The following TRAK2 variants were observed in gnomAD, a reference collection of about 807,000 sequenced individuals.
TRAK2 encodes trafficking kinesin-binding protein 2.
Under a neutral mutation model 104.6 loss-of-function variants are expected in TRAK2, and 81 were observed. That is an observed-to-expected ratio of 0.77 (90% CI 0.65 to 0.93). The LOEUF (loss-of-function observed/expected upper bound fraction) is 0.93, where lower values mean the gene tolerates loss of function less well. Among genes scored for constraint, TRAK2 ranks in the 40% least tolerant of loss-of-function variants. The pLI is 0.00. For missense variants in TRAK2, 1,002 were observed against 1,089.0 expected (o/e 0.92, Z 1.12); for synonymous variants, 406 against 394.4 (o/e 1.03, Z -0.35).
At chr2:201,449,317 T>C (rs1366573760) in intron 1 of TRAK2, among the ~76,000 whole-genome samples, 3 of 152,202 alleles carry the variant, frequency 2.0e-5, no homozygotes, top group Admixed American at 6.5e-5. Context: ...GATCTGTGAC[T>C]TGGAAGCAAG....
intron 4 of TRAK2, among the ~76,000 whole-genome samples, chr2:201,400,656 C>G (rs1301953271): frequency 6.6e-6 from 1 of 152,054 alleles, no homozygotes; most frequent in Non-Finnish European, 1.5e-5. Flanking sequence ...ATGCTCCAAA[C>G]TGCAGGTATT....
At chr2:201,398,413 T>C (rs906151480) in intron 5 of TRAK2, 59 bp from the exon 6 acceptor site, 11 of 1,406,774 alleles carry the variant, frequency 7.8e-6, no homozygotes, top group Admixed American at 3.9e-5. Flanking sequence ...TATAGCAATA[T>C]AGCTTCTAAT....
chr2:201,418,537 T>C (rs1951712834), intron 2 of TRAK2, among the ~76,000 whole-genome samples: 1 of 152,182 alleles, frequency 6.6e-6, no homozygotes, highest in South Asian at 2.1e-4. Context: ...ACTATAGAAT[T>C]ACAGCAAATA....
intron 1 of TRAK2, among the ~76,000 whole-genome samples, chr2:201,429,531 T>G (rs1951822405): frequency 6.6e-6 from 1 of 152,250 alleles, no homozygotes; most frequent in Non-Finnish European, 1.5e-5. Flanking sequence ...TTTCACACAG[T>G]CCCATATGCC....
At chr2:201,431,815 C>A (rs1951844622) in intron 1 of TRAK2, among the ~76,000 whole-genome samples, 1 of 152,176 alleles carries the variant, frequency 6.6e-6, no homozygotes, top group South Asian at 2.1e-4. Context: ...TCCAGCCCCA[C>A]CACTTACTGG....
At chr2:201,429,342 GC>G (rs1459995322) in intron 1 of TRAK2, among the ~76,000 whole-genome samples, 2 of 152,162 alleles carry the variant, frequency 1.3e-5, no homozygotes, top group Admixed American at 1.3e-4. Flanking sequence ...TATGTGTCTT[GC>G]AGTTGCTCTT....
Position 201,388,249 on chromosome 2 carries a change from T to C in TRAK2, c.1398-248A>G, listed in dbSNP as rs1346361435. 4.6e-5 allele frequency among the ~76,000 whole-genome samples: 7 copies of C among 152,332 alleles called. No homozygotes were observed. The East Asian group carries it at 9.6e-4, about 21-fold the overall frequency. ...TTATTGATATTCTGTGTTTTCTGAATTTTCTATTTCATTTAATTTATGAAA... is the reference window on the plus strand; with the variant it reads ...TTATTGATATTCTGTGTTTTCTGAACTTTCTATTTCATTTAATTTATGAAA... On this transcript the variant is annotated intron_variant, in intron 12 of 15. Coordinates refer to ENST00000332624, the MANE Select transcript of TRAK2 (RefSeq NM_015049.3).
chr2:201,442,745 T>C (rs556792999), intron 1 of TRAK2, among the ~76,000 whole-genome samples: 1 of 152,366 alleles, frequency 6.6e-6, no homozygotes, highest in South Asian at 2.1e-4. Flanking sequence ...CCATGTAATC[T>C]ATAGCTAGCT....
At chr2:201,443,200 C>G (rs1169172412) in intron 1 of TRAK2, among the ~76,000 whole-genome samples, 4 of 152,204 alleles carry the variant, frequency 2.6e-5, no homozygotes, top group African/African-American at 4.8e-5. Context: ...ACCTCTCATT[C>G]ATACCTCAAC....
At chr2:201,414,514 A>G (rs1056601262) in intron 2 of TRAK2, among the ~76,000 whole-genome samples, 1 of 152,212 alleles carries the variant, frequency 6.6e-6, no homozygotes, top group East Asian at 1.9e-4. Flanking sequence ...TGACATTTTA[A>G]TAAGTTTAAT....
intron 3 of TRAK2, 144 bp from the exon 4 acceptor site, chr2:201,401,238 A>C: frequency 3.9e-6 from 2 of 510,894 alleles, no homozygotes; most frequent in East Asian, 6.2e-5. Context: ...ATGTGAAAAA[A>C]AAGAAATGTT....
At chr2:201,415,559 T>C (rs778734824) in intron 2 of TRAK2, among the ~76,000 whole-genome samples, 3 of 151,928 alleles carry the variant, frequency 2.0e-5, no homozygotes, top group African/African-American at 7.3e-5. Context: ...AAAACCCAAA[T>C]AGAACTAGAG....
chr2:201,382,618 C>A (rs1239969189), intron 15 of TRAK2, among the ~76,000 whole-genome samples: 1 of 152,144 alleles, frequency 6.6e-6, no homozygotes, highest in Non-Finnish European at 1.5e-5. Flanking sequence ...TCCTCAAGAA[C>A]CAATTTTGTA....
chr2:201,428,841 C>T (rs1951815475), intron 1 of TRAK2, among the ~76,000 whole-genome samples: 1 of 152,254 alleles, frequency 6.6e-6, no homozygotes, highest in Admixed American at 6.5e-5. Context: ...TCTTTTATTT[C>T]GTTGAGCAGT....
In TRAK2 at chr2:201,377,322, C is replaced by T. The variant is rs1951297366; in HGVS notation, c.*3221G>A. The T allele has an allele frequency of 6.6e-6, 1 of 152,204 alleles. No homozygotes were observed. The highest frequency in any genetic ancestry group is 1.5e-5 in the Non-Finnish European group (1 of 68,036). The allele number at this position is 152,204 out of a possible 1,614,324, so 9.4% of individuals were successfully genotyped here. A position where few individuals can be genotyped will look rare whatever the true frequency, so the allele number is the denominator to read the frequency against. ...CCAGGTATCGAACAATAGTATTCCC[C>T]TGGCTGCCCTAGAGGGCACTTGTGC... On this transcript the variant is annotated 3_prime_UTR_variant, in exon 16 of 16. Transcript: ENST00000332624.
chr2:201,400,210 T>C (rs6751543), intron 4 of TRAK2, among the ~76,000 whole-genome samples: 86,560 of 151,790 alleles, frequency 0.57, 25,962 homozygotes, highest in South Asian at 0.69. Context: ...TCTGGGCAGA[T>C]AGTGATACTT....
At chr2:201,403,892 G>T (rs747661785) in intron 3 of TRAK2, among the ~76,000 whole-genome samples, 1 of 152,116 alleles carries the variant, frequency 6.6e-6, no homozygotes, top group African/African-American at 2.4e-5. Flanking sequence ...TGTCGAATGC[G>T]CAACCTAGAT....
chr2:201,442,004 T>C (rs1176200900), intron 1 of TRAK2, among the ~76,000 whole-genome samples: 2 of 150,682 alleles, frequency 1.3e-5, no homozygotes, highest in Non-Finnish European at 3.0e-5. Context: ...TGGTGTGCTC[T>C]TTCTAAACCA....
At chr2:201,448,370 A>C (rs57726451) in intron 1 of TRAK2, among the ~76,000 whole-genome samples, 1 of 152,366 alleles carries the variant, frequency 6.6e-6, no homozygotes, top group East Asian at 1.9e-4. Context: ...TATCTATAAA[A>C]ACACCTCAGT....
Sources: gnomAD v4.1 joint callset for allele counts (sites outside exome capture counted in the v4.1 genomes callset) on GRCh38, gnomAD v4.1.1 for gene constraint, MANE v1.5 for transcripts, NCBI Gene and HGNC (gene_info 2026-07-23, HGNC 2026-07-21) for gene names.